Variants in SPATA16 observed in about 807,000 individuals in gnomAD.
SPATA16 encodes spermatogenesis associated 16.
A neutral mutation model predicts 63.3 loss-of-function variants in SPATA16; 36 were observed. The ratio of observed to expected loss-of-function variants is 0.57; its 90% CI spans 0.44 to 0.75. The LOEUF (loss-of-function observed/expected upper bound fraction) is 0.75, where lower values mean the gene tolerates loss of function less well. Ranked by LOEUF, SPATA16 falls within the 30% of genes least tolerant of loss-of-function variation. The pLI is 0.00. For missense variants in SPATA16, 646 were observed against 679.3 expected (o/e 0.95, Z 0.54); for synonymous variants, 203 against 216.7 (o/e 0.94, Z 0.56).
intron 9 of SPATA16, among the ~76,000 whole-genome samples, chr3:172,914,845 G>A (rs1328636924): frequency 6.6e-6 from 1 of 151,824 alleles, no homozygotes; most frequent in Non-Finnish European, 1.5e-5. Flanking sequence ...CTAGTTTGAG[G>A]CTCTTTGTAT....
At chr3:173,020,881 T>G (rs144265020) in intron 3 of SPATA16, among the ~76,000 whole-genome samples, 191 of 152,322 alleles carry the variant, frequency 1.3e-3, no homozygotes, top group African/African-American at 4.3e-3. Context: ...TGGGAATCAC[T>G]TGGAATTAGT....
chr3:172,921,621 T>G (rs1732616862), intron 8 of SPATA16, among the ~76,000 whole-genome samples: 1 of 151,508 alleles, frequency 6.6e-6, no homozygotes, highest in Admixed American at 6.6e-5. Flanking sequence ...GAAAAATAGG[T>G]AATTTCAAAC....
rs570602304 is a variant in SPATA16, at chr3:173,066,100, C to T, written c.613-17006G>A. On this transcript the variant is annotated intron_variant, in intron 2 of 10. Coordinates refer to ENST00000351008, the MANE Select transcript of SPATA16 (RefSeq NM_031955.6). ...GAAGGAGAAAGAAGAGTGCAGTGGA[C>T]TGTGCCTCACAATTTCGATACCAGC... is the stretch of plus-strand genomic sequence containing the variant. Among the ~76,000 whole-genome samples the T allele has an allele frequency of 2.0e-5, 3 of 152,242 alleles. No individual in the cohort carries two copies. In the South Asian group the frequency reaches 6.2e-4, roughly 32 times the overall value.
chr3:173,088,008 GTCTT>G (rs57997275), intron 2 of SPATA16, among the ~76,000 whole-genome samples: 11,965 of 90,156 alleles, frequency 0.13, 929 homozygotes, highest in Non-Finnish European at 0.16. Flanking sequence ...TTTTCTTTCC[GTCTT>G]TCTTTCTTTC....
At position 172,925,373 on chromosome 3, in the gene SPATA16, A is replaced by G; in HGVS notation, c.1201T>C (p.Ser401Pro). Reference protein sequence around the residue: ...KDDGKFLEKISSRKLPIFTEH... With the variant: ...KDDGKFLEKIPSRKLPIFTEH... ...GTGAATATCGGCAGCTTCCTGCTTGATATTTTTTCCAAAAATTTTCCATCA... is the reference window on the plus strand; with the variant it reads ...GTGAATATCGGCAGCTTCCTGCTTGGTATTTTTTCCAAAAATTTTCCATCA... The change falls in exon 7 of 11, where the codon TCA (serine) becomes CCA (proline). Residue 401 changes from serine to proline, a missense_variant. Physicochemically the swap from Ser to Pro is moderately conservative, Grantham distance 74. Transcript: ENST00000351008. The G allele has an allele frequency of 6.2e-7, 1 of 1,613,944 alleles. No individual in the cohort carries two copies. The highest frequency in any genetic ancestry group is 1.1e-5 in the South Asian group (1 of 91,076).
At chr3:172,907,830 G>A (rs1732276683) in intron 10 of SPATA16, among the ~76,000 whole-genome samples, 2 of 151,852 alleles carry the variant, frequency 1.3e-5, no homozygotes, top group African/African-American at 2.4e-5. Flanking sequence ...TGCCCACCTC[G>A]GCCTCCCAAA....
intron 2 of SPATA16, among the ~76,000 whole-genome samples, chr3:173,069,008 G>A (rs1456143953): frequency 6.6e-6 from 1 of 151,262 alleles, no homozygotes; most frequent in African/African-American, 2.4e-5. Flanking sequence ...TACTCGGGAG[G>A]CTGAGGCAGG....
At chr3:172,962,114 A>C (rs1331427477) in intron 5 of SPATA16, among the ~76,000 whole-genome samples, 1 of 151,914 alleles carries the variant, frequency 6.6e-6, no homozygotes, top group South Asian at 2.1e-4. Context: ...TTAGCCAGAC[A>C]TGGTGGTGAG....
intron 1 of SPATA16, among the ~76,000 whole-genome samples, chr3:173,130,549 G>C (rs1738351167): frequency 6.6e-6 from 1 of 152,084 alleles, no homozygotes; most frequent in South Asian, 2.1e-4. Flanking sequence ...ACCATTGGTT[G>C]AGATTTTTCC....
chr3:173,086,935 G>A (rs1479218018), intron 2 of SPATA16, among the ~76,000 whole-genome samples: 1 of 152,144 alleles, frequency 6.6e-6, no homozygotes, highest in Admixed American at 6.5e-5. Context: ...GCTGAGGAGT[G>A]TTTTATTTCC....
chr3:173,108,254 A>T (rs1577178507), intron 2 of SPATA16, among the ~76,000 whole-genome samples: 1 of 152,196 alleles, frequency 6.6e-6, no homozygotes, highest in East Asian at 1.9e-4. Flanking sequence ...TAGTATTAAT[A>T]GAAAAGTAGT....
At chr3:173,092,017 G>T (rs1737237297) in intron 2 of SPATA16, among the ~76,000 whole-genome samples, 1 of 152,072 alleles carries the variant, frequency 6.6e-6, no homozygotes, top group Non-Finnish European at 1.5e-5. Context: ...AAAAGATCTA[G>T]GTTACCTAAG....
chr3:173,138,557 C>G (rs577141717), intron 1 of SPATA16, among the ~76,000 whole-genome samples: 5 of 152,178 alleles, frequency 3.3e-5, no homozygotes, highest in African/African-American at 7.2e-5. Flanking sequence ...TTAGGTAAAT[C>G]TAAAATAAAC....
At chr3:172,930,781 T>A (rs1047391288) in intron 6 of SPATA16, among the ~76,000 whole-genome samples, 2 of 152,064 alleles carry the variant, frequency 1.3e-5, no homozygotes, top group South Asian at 4.1e-4. Flanking sequence ...CTCCATCTCC[T>A]GACCTCGTGA....
chr3:172,918,109 A>T (rs1732536127), intron 8 of SPATA16, among the ~76,000 whole-genome samples: 1 of 152,230 alleles, frequency 6.6e-6, no homozygotes, highest in African/African-American at 2.4e-5. Context: ...TCCTGAATTG[A>T]TGAAAAACCT....
chr3:172,938,875 A>G (rs1378794530), intron 6 of SPATA16, among the ~76,000 whole-genome samples: 3 of 119,742 alleles, frequency 2.5e-5, no homozygotes, highest in African/African-American at 9.7e-5. Context: ...TAAACCTCAG[A>G]TAAAGGAGAA....
intron 10 of SPATA16, among the ~76,000 whole-genome samples, chr3:172,896,544 G>A (rs183768223): frequency 6.6e-6 from 1 of 152,270 alleles, no homozygotes; most frequent in Non-Finnish European, 1.5e-5. Context: ...TTCCACAGTG[G>A]TTGTACCATT....
chr3:173,053,903 C>T (rs1014449396), intron 2 of SPATA16, among the ~76,000 whole-genome samples: 1 of 152,026 alleles, frequency 6.6e-6, no homozygotes, highest in Non-Finnish European at 1.5e-5. Flanking sequence ...ATCCATAACC[C>T]TATCACCATA....
chr3:172,895,460 C>T (rs1391448150), intron 10 of SPATA16, among the ~76,000 whole-genome samples: 2 of 152,158 alleles, frequency 1.3e-5, no homozygotes, highest in African/African-American at 2.4e-5. Context: ...CTCAGCATCC[C>T]GAGTAGCTGG....
Sources: allele counts gnomAD v4.1 joint callset (sites outside exome capture counted in the v4.1 genomes callset), GRCh38; gene constraint gnomAD v4.1.1; transcripts MANE v1.5; gene names NCBI Gene and HGNC (gene_info 2026-07-23, HGNC 2026-07-21).